ITSN2: variants seen among roughly 807,000 people sequenced by gnomAD.
The protein encoded by ITSN2 is intersectin 2, also known as intersectin-2.
Under a neutral mutation model 243.7 loss-of-function variants are expected in ITSN2, and 156 were observed. The ratio of observed to expected loss-of-function variants is 0.64; its 90% CI spans 0.56 to 0.73. The LOEUF is 0.73. Among genes scored for constraint, ITSN2 ranks in the 30% least tolerant of loss-of-function variants. ITSN2 has a pLI of 0.00. For synonymous variants in ITSN2, 703 were observed against 699.9 expected, an observed-to-expected ratio of 1.00 and a Z score of -0.07; for missense variants, 1,801 against 1,996.1, an observed-to-expected ratio of 0.90 and a Z score of 1.86.
intron 32 of ITSN2, among the ~76,000 whole-genome samples, chr2:24,215,712 G>C (rs1307673356): frequency 6.7e-6 from 1 of 149,964 alleles, no homozygotes; most frequent in Non-Finnish European, 1.5e-5. Context: ...ACTCTTTCTG[G>C]AATAAGGCAG....
chr2:24,267,490 T>G (rs577452401), intron 20 of ITSN2, among the ~76,000 whole-genome samples: 1 of 152,230 alleles, frequency 6.6e-6, no homozygotes, highest in Non-Finnish European at 1.5e-5. Flanking sequence ...CACACACATT[T>G]ACCACATTTA....
At chr2:24,260,055 G>A (rs977441797) in intron 22 of ITSN2, among the ~76,000 whole-genome samples, 1 of 152,098 alleles carries the variant, frequency 6.6e-6, no homozygotes, top group Non-Finnish European at 1.5e-5. Context: ...CAAGTAGCTA[G>A]TACTACAGGC....
intron 13 of ITSN2, among the ~76,000 whole-genome samples, chr2:24,297,291 T>C (rs1028881581): frequency 4.6e-5 from 7 of 152,206 alleles, no homozygotes; most frequent in African/African-American, 1.7e-4. Context: ...TAGGTATGCA[T>C]TTTTGTAAAA....
rs183384740 is a variant in ITSN2 at position 24,259,394 on chromosome 2, C to G, written c.2683-1301G>C. On this transcript the variant is annotated intron_variant, in intron 22 of 39. Transcript: ENST00000355123. ...CTTGTTATTTAGCTATTGTAATATC[C>G]TTCCTTAACTGGTTGTTTTCTTCTG... Among the ~76,000 whole-genome samples, 79 of 152,238 alleles carry G rather than the reference C, an allele frequency of 5.2e-4. No individual in the cohort carries two copies. In the East Asian group the frequency reaches 0.01, roughly 20 times the overall value.
chr2:24,285,672 T>C (rs1486863085), intron 16 of ITSN2, among the ~76,000 whole-genome samples: 1 of 152,248 alleles, frequency 6.6e-6, no homozygotes, highest in African/African-American at 2.4e-5. Flanking sequence ...GTCTATGTTT[T>C]GGACATCTGC....
intron 29 of ITSN2, among the ~76,000 whole-genome samples, chr2:24,222,919 G>A (rs560839881): frequency 5.9e-5 from 9 of 151,984 alleles, no homozygotes; most frequent in South Asian, 4.2e-4. Context: ...CAGGTGATCC[G>A]CCCACCTTGG....
At chr2:24,312,421 G>A (rs775639712) in intron 4 of ITSN2, 46 bp from the exon 5 acceptor site, 2 of 1,402,618 alleles carry the variant, frequency 1.4e-6, no homozygotes, top group Admixed American at 2.4e-5. Context: ...GTGTGGTGGT[G>A]GGAAAACTAA....
chr2:24,218,696 A>C (rs796561011), intron 30 of ITSN2, among the ~76,000 whole-genome samples: 9 of 152,302 alleles, frequency 5.9e-5, no homozygotes, highest in African/African-American at 2.2e-4. Context: ...GAAGAAATAA[A>C]GGCTTAGAGG....
intron 1 of ITSN2, among the ~76,000 whole-genome samples, chr2:24,354,840 G>C: frequency 6.6e-6 from 1 of 152,160 alleles, no homozygotes; most frequent in East Asian, 1.9e-4. Flanking sequence ...TTTACCGTCT[G>C]GTAATAGTCC....
At chr2:24,263,738 GT>G (rs1216114994) in intron 20 of ITSN2, among the ~76,000 whole-genome samples, 1 of 152,044 alleles carries the variant, frequency 6.6e-6, no homozygotes, top group Non-Finnish European at 1.5e-5. Context: ...AGAACAGTTT[GT>G]TCTTTTTTTA....
chr2:24,308,086 T>C (rs1682782485), intron 8 of ITSN2, among the ~76,000 whole-genome samples: 1 of 152,244 alleles, frequency 6.6e-6, no homozygotes, highest in African/African-American at 2.4e-5. Flanking sequence ...TTATGTCTCC[T>C]TTGCTGTTCT....
At chr2:24,349,374 TATTTA>T (rs1051720104) in intron 1 of ITSN2, among the ~76,000 whole-genome samples, 2 of 152,200 alleles carry the variant, frequency 1.3e-5, no homozygotes, top group African/African-American at 2.4e-5. Flanking sequence ...CAACCTGAAT[TATTTA>T]ATTTGAGTGG....
Position 24,312,324 on chromosome 2 carries a change from G to C in ITSN2, c.240C>G (p.Ser80=). 2 of 1,613,024 alleles carry C rather than the reference G, an allele frequency of 1.2e-6. No homozygotes were observed. The highest frequency in any genetic ancestry group is 1.7e-6 in the Non-Finnish European group (2 of 1,179,404). The stretch of plus-strand genomic sequence containing the variant: ...TCAGTTTGATGAGTTTCATAGCTAT[G>C]GAGAACTCTTGCTGATCCATCTTCC... ...KDGKMDQQEF[S]IAMKLIKLKL... The change falls in exon 5 of 40, where the codon TCC becomes TCG. Residue 80 remains serine (S), a synonymous_variant. Coordinates refer to ENST00000355123, the MANE Select transcript of ITSN2 (RefSeq NM_006277.3).
intron 1 of ITSN2, among the ~76,000 whole-genome samples, chr2:24,352,694 A>G (rs1688130468): frequency 1.3e-5 from 2 of 152,228 alleles, no homozygotes; most frequent in Non-Finnish European, 1.5e-5. Context: ...ACATAAAAGG[A>G]CAGGAATAGC....
chr2:24,310,571 T>G lies in ITSN2; in HGVS notation c.474A>C (p.Leu158=). The G allele has an allele frequency of 2.5e-6, 4 of 1,614,076 alleles. No homozygotes were observed. The highest frequency in any genetic ancestry group is 3.4e-6 in the Non-Finnish European group (4 of 1,179,994). ...ATGATGATGTGCTAACAGAAGGCACTAGGGGAGTGGGCATCATTAAGGGAG... is the reference window on the plus strand; with the variant it reads ...ATGATGATGTGCTAACAGAAGGCACGAGGGGAGTGGGCATCATTAAGGGAG... The part of the protein sequence containing the change: ...NLPPLMMPTP[L]VPSVSTSSLP... Residue 158 remains leucine, a synonymous_variant, in exon 6 of 40, where the codon CTA becomes CTC. Transcript: ENST00000355123.
chr2:24,352,091 T>C lies in ITSN2; in HGVS notation c.-34+8213A>G, dbSNP rs568829839. On this transcript the variant is annotated intron_variant, in intron 1 of 39. Coordinates refer to ENST00000355123, the MANE Select transcript of ITSN2 (RefSeq NM_006277.3). ...CTAATTTATAAATTAAACTTTATCA[T>C]AGGTATGTATATATAGGAAAAAACA... 3.9e-5 allele frequency among the ~76,000 whole-genome samples: 6 copies of C among 152,300 alleles called. No individual in the cohort carries two copies. The South Asian group carries it at 1.0e-3, about 26-fold the overall frequency.
intron 29 of ITSN2, among the ~76,000 whole-genome samples, chr2:24,230,985 C>T (rs1573938383): frequency 9.3e-6 from 1 of 107,226 alleles, no homozygotes; most frequent in East Asian, 2.8e-4. Flanking sequence ...CAGGATGCTC[C>T]TGCTGCAGGG....
intron 1 of ITSN2, among the ~76,000 whole-genome samples, chr2:24,357,429 G>A (rs781318420): frequency 1.4e-4 from 22 of 152,228 alleles, no homozygotes; most frequent in Admixed American, 2.6e-4. Context: ...TGAACATTGA[G>A]AACACATGGA....
chr2:24,295,427 C>A (rs1265553194), intron 14 of ITSN2, among the ~76,000 whole-genome samples: 2 of 152,298 alleles, frequency 1.3e-5, no homozygotes, highest in East Asian at 3.9e-4. Context: ...CTGCCTCAGC[C>A]TCCCGAGTTG....
Sources: gnomAD v4.1 joint callset for allele counts (sites outside exome capture counted in the v4.1 genomes callset) on GRCh38, gnomAD v4.1.1 for gene constraint, MANE v1.5 for transcripts, NCBI Gene and HGNC (gene_info 2026-07-23, HGNC 2026-07-21) for gene names.